SIPA1L2: variants seen among roughly 807,000 people sequenced by gnomAD.
SIPA1L2 encodes signal induced proliferation associated 1 like 2.
In SIPA1L2, 56 loss-of-function variants were observed where a neutral mutation model predicts 163.9. The ratio of observed to expected loss-of-function variants is 0.34; its 90% CI spans 0.28 to 0.43. The LOEUF is 0.43. Among genes scored for constraint, SIPA1L2 ranks in the 20% least tolerant of loss-of-function variants. The pLI is 1.00. For missense variants in SIPA1L2, 1,974 were observed against 2,193.5 expected (o/e 0.90, Z 2.00); for synonymous variants, 877 against 865.7 (o/e 1.01, Z -0.23).
Position 232,468,993 on chromosome 1 carries a change from C to T in SIPA1L2, c.2243+2378G>A, listed in dbSNP as rs574027144. Among the ~76,000 whole-genome samples the T allele has an allele frequency of 1.3e-4, 20 of 152,288 alleles. No homozygotes were observed. In the South Asian group the frequency reaches 3.7e-3, roughly 28 times the overall value. On this transcript the variant is annotated intron_variant, in intron 8 of 22. Coordinates refer to ENST00000674635, the MANE Select transcript of SIPA1L2 (RefSeq NM_020808.5). Reference sequence around the variant, plus strand: ...AGTTCCAGTGGACCCAGCATAACTGCTCGAGCATTCTGCTGCGCTCATGGG... The same window carrying T: ...AGTTCCAGTGGACCCAGCATAACTGTTCGAGCATTCTGCTGCGCTCATGGG...
chr1:232,562,600 CT>C (rs1461124652), intron 2 of SIPA1L2, among the ~76,000 whole-genome samples: 1 of 152,172 alleles, frequency 6.6e-6, no homozygotes, highest in African/African-American at 2.4e-5. Context: ...TAACCTAATA[CT>C]TTTTCACCAT....
At chr1:232,401,673 C>A (rs1241992356) in intron 22 of SIPA1L2, among the ~76,000 whole-genome samples, 1 of 152,180 alleles carries the variant, frequency 6.6e-6, no homozygotes. Context: ...GTGACTAGAT[C>A]AGAACTCCAC....
chr1:232,603,013 C>G (rs1409742215), intron 1 of SIPA1L2, among the ~76,000 whole-genome samples: 1 of 152,102 alleles, frequency 6.6e-6, no homozygotes, highest in East Asian at 1.9e-4. Flanking sequence ...AAGGCAGGAG[C>G]AGGGGGGATA....
chr1:232,621,649 C>G (rs1662817139), intron 1 of SIPA1L2, among the ~76,000 whole-genome samples: 1 of 152,172 alleles, frequency 6.6e-6, no homozygotes, highest in Admixed American at 6.5e-5. Flanking sequence ...ACATTTTACA[C>G]TCGCCTTTAA....
intron 15 of SIPA1L2, among the ~76,000 whole-genome samples, chr1:232,434,522 T>G (rs2102840785): frequency 6.6e-6 from 1 of 152,060 alleles, no homozygotes; most frequent in Middle Eastern, 3.4e-3. Flanking sequence ...TCCACACACA[T>G]GGAACACCAG....
intron 2 of SIPA1L2, among the ~76,000 whole-genome samples, chr1:232,517,067 G>A (rs1049341676): frequency 6.6e-6 from 1 of 152,106 alleles, no homozygotes; most frequent in Non-Finnish European, 1.5e-5. Context: ...TCTATTTCCA[G>A]GGGTCTTTAT....
chr1:232,613,706 G>A (rs988109587), intron 1 of SIPA1L2, among the ~76,000 whole-genome samples: 15 of 152,120 alleles, frequency 9.9e-5, no homozygotes, highest in African/African-American at 3.1e-4. Context: ...ATTTATGTGT[G>A]TGCGTGTGTG....
chr1:232,602,592 G>A (rs1392108830), intron 1 of SIPA1L2, among the ~76,000 whole-genome samples: 1 of 152,118 alleles, frequency 6.6e-6, no homozygotes, highest in African/African-American at 2.4e-5. Flanking sequence ...GCCTCCCAAA[G>A]TGCTGGGACT....
intron 5 of SIPA1L2, among the ~76,000 whole-genome samples, chr1:232,490,458 C>G (rs550193146): frequency 6.6e-6 from 1 of 152,306 alleles, no homozygotes; most frequent in South Asian, 2.1e-4. Context: ...TCTTAGTCAG[C>G]TTCAATCTTC....
chr1:232,506,731 G>C (rs1666747036), intron 3 of SIPA1L2, among the ~76,000 whole-genome samples: 1 of 152,180 alleles, frequency 6.6e-6, no homozygotes, highest in Non-Finnish European at 1.5e-5. Context: ...GCAGTTACCA[G>C]AAACAGTGAA....
At chr1:232,432,163 T>C in intron 16 of SIPA1L2, 84 bp downstream of exon 16, 1 of 1,116,522 alleles carries the variant, frequency 9.0e-7, no homozygotes. Context: ...AGAAAATACA[T>C]TTCCTTTGGG....
At chr1:232,425,843 C>T (rs1328573575) in intron 17 of SIPA1L2, 35 bp from the exon 18 acceptor site, 1 of 1,583,742 alleles carries the variant, frequency 6.3e-7, no homozygotes, top group Non-Finnish European at 8.6e-7. Flanking sequence ...AGGGAACAGA[C>T]ATTAAAAAAA....
intron 16 of SIPA1L2, 141 bp from the exon 17 acceptor site, chr1:232,428,705 C>A (rs1254596389): frequency 2.0e-6 from 1 of 501,348 alleles, no homozygotes; most frequent in Non-Finnish European, 3.3e-6. Context: ...ACTTTTGCTG[C>A]GTTTGCTCCA....
At chr1:232,413,228 A>T (rs1237840048) in intron 19 of SIPA1L2, among the ~76,000 whole-genome samples, 1 of 152,248 alleles carries the variant, frequency 6.6e-6, no homozygotes, top group Non-Finnish European at 1.5e-5. Context: ...ACTATTTAAC[A>T]TTCACCAAGT....
chr1:232,480,325 A>T (rs541046545), intron 6 of SIPA1L2, among the ~76,000 whole-genome samples: 1 of 152,142 alleles, frequency 6.6e-6, no homozygotes, highest in Non-Finnish European at 1.5e-5. Context: ...AATGTAATTA[A>T]TTTTTTTCTT....
At position 232,468,155 on chromosome 1, in the gene SIPA1L2, G is replaced by C. The variant is rs1001598584; in HGVS notation, c.2244-2739C>G. The stretch of plus-strand genomic sequence containing the variant: ...TCCTTAACATTTCAAGTAGAGTCAA[G>C]TTCAGAAGAAATATTCTTTTGCCAG... On this transcript the variant is annotated intron_variant, in intron 8 of 22. Transcript: ENST00000674635. Among the ~76,000 whole-genome samples, 66 of 152,150 alleles carry C rather than the reference G, an allele frequency of 4.3e-4. 1 individual carries two copies. The highest frequency in any genetic ancestry group is 2.6e-4 in the Non-Finnish European group (18 of 68,032).
chr1:232,445,921 G>A (rs12723697), intron 10 of SIPA1L2, 135 bp from the exon 11 acceptor site: 5 of 832,976 alleles, frequency 6.0e-6, no homozygotes, highest in East Asian at 5.0e-5. Context: ...GATGCAGAGC[G>A]ATCCACCCTT....
At chr1:232,428,118 G>A (rs895466488) in intron 17 of SIPA1L2, among the ~76,000 whole-genome samples, 1 of 152,174 alleles carries the variant, frequency 6.6e-6, no homozygotes, top group Non-Finnish European at 1.5e-5. Flanking sequence ...CAAGTCACTT[G>A]CATAAAGTCA....
At chr1:232,436,199 A>C (rs1662551370) in intron 15 of SIPA1L2, among the ~76,000 whole-genome samples, 1 of 152,164 alleles carries the variant, frequency 6.6e-6, no homozygotes, top group Non-Finnish European at 1.5e-5. Context: ...TTATTCAAAA[A>C]ATATTCAGAT....
Sources: allele counts gnomAD v4.1 joint callset (sites outside exome capture counted in the v4.1 genomes callset), GRCh38; gene constraint gnomAD v4.1.1; transcripts MANE v1.5; gene names NCBI Gene and HGNC (gene_info 2026-07-23, HGNC 2026-07-21).